The following STXBP5L variants were observed in gnomAD, a reference collection of about 807,000 sequenced individuals.
STXBP5L encodes the protein syntaxin-binding protein 5-like.
A neutral mutation model predicts 144.5 loss-of-function variants in STXBP5L; 65 were observed. The ratio of observed to expected loss-of-function variants is 0.45; its 90% CI spans 0.37 to 0.55. The LOEUF (loss-of-function observed/expected upper bound fraction) is 0.55. Ranked by LOEUF, STXBP5L falls within the 20% of genes least tolerant of loss-of-function variation. The probability of loss-of-function intolerance (pLI) is 0.00; values close to 1 mark genes in which losing one functional copy is unlikely to be tolerated. For synonymous variants in STXBP5L, 505 were observed against 469.6 expected (o/e 1.08, Z -0.97); for missense variants, 1,298 against 1,405.5 (o/e 0.92, Z 1.22).
At chr3:120,927,559 C>T (rs1011499968) in intron 2 of STXBP5L, among the ~76,000 whole-genome samples, 1 of 152,200 alleles carries the variant, frequency 6.6e-6, no homozygotes, top group African/African-American at 2.4e-5. Flanking sequence ...ACCTTGAGCT[C>T]ACTTTTTACA....
chr3:120,973,540 A>T (rs902746676), intron 3 of STXBP5L, among the ~76,000 whole-genome samples: 4 of 151,260 alleles, frequency 2.6e-5, no homozygotes, highest in Non-Finnish European at 5.9e-5. Flanking sequence ...CATTTCTTTG[A>T]TTCTTTATAT....
At chr3:121,020,625 C>G (rs951419831) in intron 3 of STXBP5L, among the ~76,000 whole-genome samples, 1 of 152,134 alleles carries the variant, frequency 6.6e-6, no homozygotes, top group African/African-American at 2.4e-5. Context: ...TTAAACAAAA[C>G]AATTATCAGG....
At position 120,991,623 on chromosome 3, in the gene STXBP5L, C is replaced by G. The variant is rs937370226; in HGVS notation, c.287+36586C>G. Among the ~76,000 whole-genome samples the G allele has an allele frequency of 3.9e-5, 6 of 152,168 alleles. No individual in the cohort carries two copies. In the East Asian group the frequency reaches 9.6e-4, roughly 24 times the overall value. On this transcript the variant is annotated intron_variant, in intron 3 of 26. Coordinates refer to ENST00000471454, the MANE Select transcript of STXBP5L (RefSeq NM_001308330.2). ...TAGACTGGATTAAGAAAATGTGGCA[C>G]ATATACACCATGGAATACTGTGCAG... is the stretch of plus-strand genomic sequence containing the variant.
intron 2 of STXBP5L, among the ~76,000 whole-genome samples, chr3:120,943,876 T>A (rs976547561): frequency 6.6e-6 from 1 of 151,462 alleles, no homozygotes; most frequent in Non-Finnish European, 1.5e-5. Flanking sequence ...TTTATTTTTC[T>A]CTCTGTCTCG....
intron 11 of STXBP5L, among the ~76,000 whole-genome samples, chr3:121,229,789 A>G (rs1425419640): frequency 1.3e-5 from 2 of 152,088 alleles, no homozygotes; most frequent in East Asian, 3.9e-4. Flanking sequence ...TCTGGCCTCA[A>G]ACAATCCTCC....
intron 17 of STXBP5L, among the ~76,000 whole-genome samples, chr3:121,257,589 G>A (rs2050248092): frequency 1.3e-5 from 2 of 152,262 alleles, no homozygotes; most frequent in African/African-American, 4.8e-5. Flanking sequence ...TAGGAAGTTT[G>A]GCAGGGCAGA....
intron 2 of STXBP5L, among the ~76,000 whole-genome samples, chr3:120,930,696 A>G (rs1306652565): frequency 1.3e-5 from 2 of 152,132 alleles, no homozygotes; most frequent in Non-Finnish European, 2.9e-5. Flanking sequence ...TGTTTCCCCC[A>G]AACAGCCCGT....
At chr3:121,142,980 G>A (rs1461115062) in intron 7 of STXBP5L, among the ~76,000 whole-genome samples, 1 of 151,586 alleles carries the variant, frequency 6.6e-6, no homozygotes, top group Non-Finnish European at 1.5e-5. Flanking sequence ...GCTACACTAA[G>A]TAAAAAAGAT....
intron 5 of STXBP5L, among the ~76,000 whole-genome samples, chr3:121,107,934 T>C (rs2107802926): frequency 6.6e-6 from 1 of 152,294 alleles, no homozygotes; most frequent in East Asian, 1.9e-4. Context: ...TTGACATCCA[T>C]TGTTAGCTGT....
chr3:121,220,486 C>T (rs2048941172), intron 10 of STXBP5L, among the ~76,000 whole-genome samples: 1 of 151,990 alleles, frequency 6.6e-6, no homozygotes, highest in South Asian at 2.1e-4. Flanking sequence ...AACTGTGTTC[C>T]TTTAATCACT....
chr3:121,106,902 T>G (rs1377093736), intron 5 of STXBP5L, among the ~76,000 whole-genome samples: 1 of 152,126 alleles, frequency 6.6e-6, no homozygotes, highest in Non-Finnish European at 1.5e-5. Context: ...CTCGCCAGCA[T>G]CTGTTGTTTC....
intron 9 of STXBP5L, among the ~76,000 whole-genome samples, chr3:121,180,281 C>A (rs748697257): frequency 2.1e-4 from 32 of 152,290 alleles, no homozygotes; most frequent in Non-Finnish European, 4.7e-4. Flanking sequence ...GGGGTCCCAT[C>A]TTTAGCCTAC....
intron 22 of STXBP5L, among the ~76,000 whole-genome samples, chr3:121,402,897 A>G (rs1350445558): frequency 6.6e-6 from 1 of 152,128 alleles, no homozygotes; most frequent in Admixed American, 6.5e-5. Context: ...TGGTGCAATC[A>G]TAGCTCACTG....
chr3:121,168,461 G>C (rs2046580565), intron 9 of STXBP5L, among the ~76,000 whole-genome samples: 1 of 152,110 alleles, frequency 6.6e-6, no homozygotes, highest in African/African-American at 2.4e-5. Context: ...TAGAAGAATT[G>C]CTTACTAGAA....
chr3:120,984,514 A>ATT (rs934577525), intron 3 of STXBP5L, among the ~76,000 whole-genome samples: 1 of 140,870 alleles, frequency 7.1e-6, no homozygotes, highest in African/African-American at 2.6e-5. Flanking sequence ...TTCTAACGGG[A>ATT]TTTTTTTTTT....
At chr3:121,110,348 T>C (rs553971365) in intron 5 of STXBP5L, among the ~76,000 whole-genome samples, 2 of 152,218 alleles carry the variant, frequency 1.3e-5, no homozygotes, top group South Asian at 2.1e-4. Context: ...CTGGTAACAG[T>C]TTTTTGTTTG....
At chr3:120,955,893 T>C (rs1226558351) in intron 3 of STXBP5L, among the ~76,000 whole-genome samples, 1 of 152,048 alleles carries the variant, frequency 6.6e-6, no homozygotes. Context: ...TCATACAGTT[T>C]ATAATTTTTG....
At chr3:120,991,815 G>T (rs963944196) in intron 3 of STXBP5L, among the ~76,000 whole-genome samples, 2 of 148,968 alleles carry the variant, frequency 1.3e-5, no homozygotes, top group Non-Finnish European at 3.0e-5. Context: ...CTGTTGTGGG[G>T]TGGGGGCAGG....
At chr3:121,212,376 G>T (rs774560270) in intron 10 of STXBP5L, among the ~76,000 whole-genome samples, 7 of 152,094 alleles carry the variant, frequency 4.6e-5, no homozygotes, top group Non-Finnish European at 8.8e-5. Context: ...AATCCATCTT[G>T]TGCTAATTTT....
Sources: allele counts gnomAD v4.1 joint callset (sites outside exome capture counted in the v4.1 genomes callset), GRCh38; gene constraint gnomAD v4.1.1; transcripts MANE v1.5; gene names NCBI Gene and HGNC (gene_info 2026-07-23, HGNC 2026-07-21).